Variants in BRAF observed in about 807,000 individuals in gnomAD.
BRAF encodes the protein serine/threonine-protein kinase B-raf.
BRAF carries 16 observed loss-of-function variants against 104.6 expected under a neutral mutation model. The observed-to-expected ratio is 0.15, with a 90% CI of 0.10 to 0.23. The LOEUF is 0.23. Among genes scored for constraint, BRAF ranks in the 10% least tolerant of loss-of-function variants. BRAF has a pLI of 1.00. For synonymous variants in BRAF, 310 were observed against 341.6 expected (o/e 0.91, Z 1.02); for missense variants, 541 against 937.3 (o/e 0.58, Z 5.52).
chr7:140,772,388 G>A (rs911856554), intron 14 of BRAF, among the ~76,000 whole-genome samples: 2 of 152,136 alleles, frequency 1.3e-5, no homozygotes, highest in African/African-American at 2.4e-5. Context: ...TGTGGGAGGC[G>A]GAGGCAGTGG....
At chr7:140,914,967 G>C (rs1473411367) in intron 1 of BRAF, among the ~76,000 whole-genome samples, 5 of 65,372 alleles carry the variant, frequency 7.6e-5, no homozygotes, top group Non-Finnish European at 1.5e-4. Flanking sequence ...TTGAACCCGG[G>C]GGGGGGGGGG....
intron 17 of BRAF, among the ~76,000 whole-genome samples, chr7:140,745,374 C>T (rs1182497444): frequency 6.6e-6 from 1 of 152,142 alleles, no homozygotes; most frequent in East Asian, 1.9e-4. Context: ...TGTTTTTATA[C>T]ATCCCACAGA....
intron 2 of BRAF, among the ~76,000 whole-genome samples, chr7:140,843,897 TA>T (rs1368392688): frequency 6.6e-6 from 1 of 151,946 alleles, no homozygotes; most frequent in Admixed American, 6.6e-5. Flanking sequence ...TAGTCCCAGC[TA>T]CTCGGGAGGC....
chr7:140,736,074 T>TC (rs1437332387), intron 18 of BRAF, among the ~76,000 whole-genome samples: 4 of 142,880 alleles, frequency 2.8e-5, no homozygotes, highest in Non-Finnish European at 4.6e-5. Context: ...TTCTGTACCT[T>TC]TTTTTTTTTT....
In BRAF at chr7:140,836,621, T is replaced by TA. The variant is rs376957246; in HGVS notation, c.241-1750dup. 1.1e-3 allele frequency among the ~76,000 whole-genome samples: 171 copies of TA among 152,308 alleles called. 2 individuals carry two copies. The highest frequency in any genetic ancestry group is 3.6e-3 in the African/African-American group (149 of 41,566). ...AGTAGATGAGGGCATTATAAACAGA[T>TA]AGATTCCAAATTTTCTGAGCTACAA... On this transcript the variant is annotated intron_variant, in intron 2 of 19. Transcript: ENST00000644969.
At chr7:140,714,011 C>T in the BRAF span, among the ~76,000 whole-genome samples, 190 of 152,284 alleles carry the variant, frequency 1.2e-3, no homozygotes, top group Middle Eastern at 0.014. Flanking sequence ...GGTGTCAGTC[C>T]GCCCGTACTG....
intron 1 of BRAF, among the ~76,000 whole-genome samples, chr7:140,858,648 G>C (rs749371155): frequency 5.9e-5 from 9 of 152,064 alleles, no homozygotes; most frequent in Non-Finnish European, 1.3e-4. Context: ...AGACATTCTT[G>C]GGACAACCAT....
chr7:140,835,019 T>C, intron 2 of BRAF, 147 bp from the exon 3 acceptor site: 1 of 790,792 alleles, frequency 1.3e-6, no homozygotes, highest in Non-Finnish European at 2.1e-6. Flanking sequence ...CCAGAAATAC[T>C]ATAAATGAAT....
chr7:140,880,914 G>T (rs1258591754), intron 1 of BRAF, among the ~76,000 whole-genome samples: 1 of 152,026 alleles, frequency 6.6e-6, no homozygotes, highest in African/African-American at 2.4e-5. Context: ...AGGCTGCAGA[G>T]AGCTATGATC....
chr7:140,818,907 T>A (rs945790439), intron 3 of BRAF, among the ~76,000 whole-genome samples: 3 of 152,186 alleles, frequency 2.0e-5, no homozygotes, highest in African/African-American at 7.2e-5. Context: ...GTAGTCTACC[T>A]TACACTGAAG....
intron 18 of BRAF, among the ~76,000 whole-genome samples, chr7:140,739,254 TAG>T (rs1796698734): frequency 1.3e-5 from 2 of 152,224 alleles, no homozygotes; most frequent in East Asian, 1.9e-4. Flanking sequence ...AAGCGTTAAG[TAG>T]AGTTTTTAGG....
intron 3 of BRAF, among the ~76,000 whole-genome samples, chr7:140,830,960 G>C (rs1393419130): frequency 6.6e-6 from 1 of 152,186 alleles, no homozygotes; most frequent in Non-Finnish European, 1.5e-5. Context: ...TCAAAGATTA[G>C]AAGATGTGGG....
intron 3 of BRAF, among the ~76,000 whole-genome samples, chr7:140,833,483 C>T (rs918097244): frequency 6.6e-6 from 1 of 152,176 alleles, no homozygotes; most frequent in Non-Finnish European, 1.5e-5. Flanking sequence ...TGATATTCCC[C>T]TTTTAAGTGG....
At chr7:140,923,032 A>T (rs1188731819) in intron 1 of BRAF, among the ~76,000 whole-genome samples, 1 of 152,236 alleles carries the variant, frequency 6.6e-6, no homozygotes. Flanking sequence ...TGATTTTAAG[A>T]AACTTAAAAA....
intron 12 of BRAF, among the ~76,000 whole-genome samples, chr7:140,779,085 A>T (rs1800600000): frequency 6.6e-6 from 1 of 152,250 alleles, no homozygotes; most frequent in Non-Finnish European, 1.5e-5. Flanking sequence ...GATGAATCTT[A>T]TAAACAATGT....
At chr7:140,714,511 G>C (rs1795096016), downstream of BRAF, among the ~76,000 whole-genome samples, 1 of 152,190 alleles carries the variant, frequency 6.6e-6, no homozygotes, top group African/African-American at 2.4e-5. Flanking sequence ...GGGACTACAA[G>C]TGTGTGCCAC....
Position 140,726,345 on chromosome 7 carries a change from G to C in BRAF, c.*149C>G. 1 of 1,440,590 alleles carries C rather than the reference G, an allele frequency of 6.9e-7. No homozygotes were observed. The highest frequency in any genetic ancestry group is 2.5e-5 in the East Asian group (1 of 39,254). The allele number at this position is 1,440,590 out of a possible 1,614,324, so 89.2% of individuals were successfully genotyped here. A position where few individuals can be genotyped will look rare whatever the true frequency, so the allele number is the denominator to read the frequency against. The stretch of plus-strand genomic sequence containing the variant: ...ACATTCTTTCCTCTTTTGTTGGATG[G>C]GAAATTCCATTCTGTTCCACATCAG... On this transcript the variant is annotated 3_prime_UTR_variant, in exon 20 of 20. Coordinates refer to ENST00000644969, the MANE Select transcript of BRAF (RefSeq NM_001374258.1).
At chr7:140,784,018 C>G (rs57259956) in intron 10 of BRAF, among the ~76,000 whole-genome samples, 6 of 152,276 alleles carry the variant, frequency 3.9e-5, no homozygotes, top group African/African-American at 1.4e-4. Context: ...TACAGTAGCA[C>G]CTGGTTCAGA....
chr7:140,723,492 ATCT>A lies in BRAF; in HGVS notation c.*2999_*3001del, dbSNP rs1206759795. 11 of 1,053,172 alleles carry A rather than the reference ATCT, an allele frequency of 1.0e-5. No homozygotes were observed. The highest frequency in any genetic ancestry group is 5.4e-5 in the East Asian group (1 of 18,576). 65.2% of individuals were successfully genotyped at this position (1,053,172 alleles called of 1,614,324 possible). On this transcript the variant is annotated 3_prime_UTR_variant, in exon 20 of 20. Coordinates refer to ENST00000644969, the MANE Select transcript of BRAF (RefSeq NM_001374258.1). ...AACCAGAATTTGACAGCTAGACAGA[ATCT>A]TCTTTTAAGGTGCACATTAACAACA...
Sources: gnomAD v4.1 joint callset for allele counts (sites outside exome capture counted in the v4.1 genomes callset) on GRCh38, gnomAD v4.1.1 for gene constraint, MANE v1.5 for transcripts, NCBI Gene and HGNC (gene_info 2026-07-23, HGNC 2026-07-21) for gene names.